PIK3R4: variants seen among roughly 807,000 people sequenced by gnomAD.
PIK3R4 encodes phosphoinositide-3-kinase regulatory subunit 4.
Under a neutral mutation model 136.5 loss-of-function variants are expected in PIK3R4, and 46 were observed. The ratio of observed to expected loss-of-function variants is 0.34; its 90% confidence interval spans 0.27 to 0.43. The LOEUF (loss-of-function observed/expected upper bound fraction) is 0.43, where lower values mean the gene tolerates loss of function less well. Among genes scored for constraint, PIK3R4 ranks in the 20% least tolerant of loss-of-function variants. The pLI is 1.00. For synonymous variants in PIK3R4, 557 were observed against 566.7 expected (o/e 0.98, Z 0.24); for missense variants, 1,331 against 1,649.5 (o/e 0.81, Z 3.35).
In PIK3R4 at chr3:130,728,593, A is replaced by G. The variant is rs1438205518; in HGVS notation, c.1677T>C (p.Asn559=). The change falls in exon 6 of 20, where the codon AAT becomes AAC. Residue 559 remains asparagine, a synonymous_variant. Transcript: ENST00000356763. Reference sequence around the variant, plus strand: ...AGAATACACACAGCCGTGTTATTCCATTTTCCATCAAGGTTTGTTTTACAA... The same window carrying G: ...AGAATACACACAGCCGTGTTATTCCGTTTTCCATCAAGGTTTGTTTTACAA... The part of the protein sequence containing the change: ...ENIVKQTLME[N]GITRLCVFFG... The G allele has an allele frequency of 6.2e-7, 1 of 1,612,544 alleles. No homozygotes were observed. Among genetic ancestry groups the G allele is most frequent in the Non-Finnish European group, 8.5e-7 (1 of 1,179,498 alleles).
In PIK3R4 at chr3:130,690,592, G is replaced by A; in HGVS notation, c.3161C>T (p.Ser1054Phe). 1 of 1,611,554 alleles carries A rather than the reference G, an allele frequency of 6.2e-7. No homozygotes were observed. Among genetic ancestry groups the A allele is most frequent in the Admixed American group, 1.7e-5 (1 of 59,978 alleles). ...RVKTLTFCQG[S>F]HYLAIASDNG... ...ATCAGATGCTATGGCTAAATAGTGGGAGCCTTGGCAGAATGTGAGCGTCTT... is the reference window on the plus strand; with the variant it reads ...ATCAGATGCTATGGCTAAATAGTGGAAGCCTTGGCAGAATGTGAGCGTCTT... Residue 1054 changes from serine to phenylalanine, a missense_variant, in exon 14 of 20, where the codon TCC becomes TTC. By Grantham distance (155) the Ser-to-Phe change is radical. Transcript: ENST00000356763.
chr3:130,695,027 G>C (rs1036212464), intron 13 of PIK3R4, among the ~76,000 whole-genome samples: 2 of 152,110 alleles, frequency 1.3e-5, no homozygotes, highest in Non-Finnish European at 2.9e-5. Flanking sequence ...AGAGTTTGTT[G>C]AGATGACCAT....
intron 2 of PIK3R4, among the ~76,000 whole-genome samples, chr3:130,742,060 TC>T (rs1367268675): frequency 6.6e-6 from 1 of 152,186 alleles, no homozygotes; most frequent in African/African-American, 2.4e-5. Flanking sequence ...AGTAGCAGTT[TC>T]CAAGAGCCTA....
chr3:130,728,685 CT>C lies in PIK3R4; in HGVS notation c.1586-2del. 2.6e-6 allele frequency: 2 copies of C among 768,848 alleles called. No individual in the cohort carries two copies. Among genetic ancestry groups the C allele is most frequent in the Non-Finnish European group, 3.5e-6 (2 of 567,644 alleles). The allele number at this position is 768,848 out of a possible 1,614,324, so 47.6% of individuals were successfully genotyped here. On this transcript the variant is annotated splice_acceptor_variant, in intron 5 of 19. Coordinates refer to ENST00000356763, the MANE Select transcript of PIK3R4 (RefSeq NM_014602.3). LOFTEE classifies it high-confidence loss of function. Reference sequence around the variant, plus strand: ...ACCATTTCATGTAAGGCTTGGAGCTCTAAAAAAAAAAAAAAAAGAAAGAAAG... The same window carrying C: ...ACCATTTCATGTAAGGCTTGGAGCTCAAAAAAAAAAAAAAAAGAAAGAAAG...
At chr3:130,682,167 G>T (rs1429111441) in intron 16 of PIK3R4, among the ~76,000 whole-genome samples, 4 of 152,172 alleles carry the variant, frequency 2.6e-5, no homozygotes, top group Non-Finnish European at 4.4e-5. Context: ...TTGCAGATGT[G>T]ATGAAATTAA....
rs571855543 is a variant in PIK3R4, at chr3:130,679,332, C to G, written c.4060G>C (p.Val1354Leu). ...FIVTASRDGIVKVWK is the reference protein window; with the variant it reads ...FIVTASRDGILKVWK ...AGTAGGTTTTATTTCCACACCTTCA[C>G]AATCCCATCTCTAGAAGCAGTTACG... The change falls in exon 20 of 20, where the codon GTG becomes CTG. Residue 1354 changes from valine to leucine, a missense_variant. Physicochemically the swap from Val to Leu is conservative, Grantham distance 32 (BLOSUM62 1). Around this residue, in one of 2 missense-constraint regions of PIK3R4, gnomAD observed 1,180 missense variants for 1,407.0 expected, o/e 0.84. Coordinates refer to ENST00000356763, the MANE Select transcript of PIK3R4 (RefSeq NM_014602.3). 9 of 1,604,846 alleles carry G rather than the reference C, an allele frequency of 5.6e-6. No individual in the cohort carries two copies. The Admixed American group carries it at 1.2e-4, about 21-fold the overall frequency.
rs1175354777 is a variant in PIK3R4, at chr3:130,683,618, AC to A, written c.3607+631del. Among the ~76,000 whole-genome samples, 2 of 152,220 alleles carry A rather than the reference AC, an allele frequency of 1.3e-5. 1 individual carries two copies. Among genetic ancestry groups the A allele is most frequent in the Admixed American group, 1.3e-4 (2 of 15,272 alleles). On this transcript the variant is annotated intron_variant, in intron 16 of 19. Coordinates refer to ENST00000356763, the MANE Select transcript of PIK3R4 (RefSeq NM_014602.3). The stretch of plus-strand genomic sequence containing the variant: ...GCAGTGTATGCGATGGACTATGTGT[AC>A]AAGAAGGGACCACAAAGAGCCTAGA...
intron 7 of PIK3R4, among the ~76,000 whole-genome samples, chr3:130,721,479 C>T (rs4682634): frequency 0.21 from 31,311 of 151,838 alleles, 3,494 homozygotes; most frequent in South Asian, 0.36. Flanking sequence ...TCACAAGAGT[C>T]GACATAGGAA....
intron 13 of PIK3R4, among the ~76,000 whole-genome samples, chr3:130,695,915 G>T (rs578236968): frequency 6.6e-6 from 1 of 152,140 alleles, no homozygotes; most frequent in South Asian, 2.1e-4. Context: ...AGCTATCTCA[G>T]CCAGGGCTTT....
intron 15 of PIK3R4, among the ~76,000 whole-genome samples, 172 bp from the exon 16 acceptor site, chr3:130,684,553 C>T (rs906041687): frequency 2.0e-5 from 3 of 152,180 alleles, no homozygotes; most frequent in African/African-American, 7.2e-5. Context: ...TCAAACAATA[C>T]CCCTTTGGTT....
Position 130,705,579 on chromosome 3 carries a change from T to C in PIK3R4, c.2914A>G (p.Ser972Gly), listed in dbSNP as rs1470031366. Reference sequence around the variant, plus strand: ...CTTTTACCAGGTGGTGGTGGTTTACTCTCCCATTCAGCATTTTCCATCATC... The same window carrying C: ...CTTTTACCAGGTGGTGGTGGTTTACCCTCCCATTCAGCATTTTCCATCATC... The part of the protein sequence containing the change: ...KQMMENAEWE[S>G]KPPPPGWRPK... The change falls in exon 12 of 20, where the codon AGT becomes GGT. Residue 972 changes from serine (S) to glycine (G), a missense_variant. By Grantham distance (56) the Ser-to-Gly change is moderately conservative. This residue lies in a region of PIK3R4 where 1,180 missense variants were observed against 1,407.0 expected (regional missense o/e 0.84). Coordinates refer to ENST00000356763, the MANE Select transcript of PIK3R4 (RefSeq NM_014602.3). 1 of 1,611,978 alleles carries C rather than the reference T, an allele frequency of 6.2e-7. No individual in the cohort carries two copies.
Position 130,679,263 on chromosome 3 carries a change from G to GAGTT in PIK3R4, c.*48_*51dup, listed in dbSNP as rs1203080381. 1.8e-6 allele frequency: 2 copies of GAGTT among 1,116,992 alleles called. No individual in the cohort carries two copies. Among genetic ancestry groups the GAGTT allele is most frequent in the Middle Eastern group, 3.1e-4 (1 of 3,228 alleles). 69.2% of individuals were successfully genotyped at this position (1,116,992 alleles called of 1,614,324 possible). On this transcript the variant is annotated 3_prime_UTR_variant, in exon 20 of 20. Coordinates refer to ENST00000356763, the MANE Select transcript of PIK3R4 (RefSeq NM_014602.3). ...CTGTTCTCTAGAAATGCCTTTTCTCGAGTTATAGTATTATATTTATAACTA... is the reference window on the plus strand; with the variant it reads ...CTGTTCTCTAGAAATGCCTTTTCTCGAGTTAGTTATAGTATTATATTTATAACTA...
At position 130,744,811 on chromosome 3, in the gene PIK3R4, C is replaced by T; in HGVS notation, c.408G>A (p.Val136=). 6.2e-7 allele frequency: 1 copy of T among 1,614,204 alleles called. No homozygotes were observed. The highest frequency in any genetic ancestry group is 1.1e-5 in the South Asian group (1 of 91,092). ...GAACTCCAGATTTGTGTGCTTGGTC[C>T]ACAGCTGTCAGGATCTGGAAAGCAA... ...RWIAFQILTA[V]DQAHKSGVRH... is the part of the protein sequence containing the mutation. Residue 136 remains valine (V), a synonymous_variant, in exon 2 of 20, where the codon GTG becomes GTA. Coordinates refer to ENST00000356763, the MANE Select transcript of PIK3R4 (RefSeq NM_014602.3).
intron 4 of PIK3R4, among the ~76,000 whole-genome samples, chr3:130,732,118 A>C (rs368219650): frequency 1.3e-5 from 2 of 152,356 alleles, no homozygotes; most frequent in South Asian, 4.1e-4. Flanking sequence ...CTGAGAACTG[A>C]GAATTAGACC....
intron 13 of PIK3R4, among the ~76,000 whole-genome samples, chr3:130,698,673 G>GT (rs1448193976): frequency 6.6e-6 from 1 of 152,102 alleles, no homozygotes; most frequent in Non-Finnish European, 1.5e-5. Context: ...GTCTAGTAAG[G>GT]TTTTTTCCTA....
At chr3:130,731,746 C>T (rs1345982689) in intron 4 of PIK3R4, among the ~76,000 whole-genome samples, 7 of 152,190 alleles carry the variant, frequency 4.6e-5, no homozygotes, top group Admixed American at 3.3e-4. Flanking sequence ...TGTAAAGAAA[C>T]AAATGTTGAT....
intron 7 of PIK3R4, among the ~76,000 whole-genome samples, chr3:130,722,944 A>G (rs1040824929): frequency 6.6e-6 from 1 of 150,882 alleles, no homozygotes; most frequent in African/African-American, 2.4e-5. Flanking sequence ...AGGTGCCTGT[A>G]ACCCCAGCTA....
Position 130,733,899 on chromosome 3 carries a change from C to T in PIK3R4, c.1099G>A (p.Glu367Lys), listed in dbSNP as rs139640851. Reference protein sequence around the residue: ...LCGHDLPEKAEGEPKENGLVI... With the variant: ...LCGHDLPEKAKGEPKENGLVI... Reference sequence around the variant, plus strand: ...AGCCCATTTTCCTTAGGCTCTCCTTCGGCTTTTTCTGGCAGATCATGTCCA... The same window carrying T: ...AGCCCATTTTCCTTAGGCTCTCCTTTGGCTTTTTCTGGCAGATCATGTCCA... Residue 367 changes from glutamate to lysine, a missense_variant, in exon 4 of 20, where the codon GAA (glutamate) becomes AAA (lysine). This residue lies in a region of PIK3R4 where 1,180 missense variants were observed against 1,407.0 expected (regional missense o/e 0.84). Transcript: ENST00000356763. 4.0e-5 allele frequency: 64 copies of T among 1,613,950 alleles called. No homozygotes were observed. Among genetic ancestry groups the T allele is most frequent in the Non-Finnish European group, 4.9e-5 (58 of 1,179,958 alleles).
chr3:130,680,080 AAG>A (rs1553726515), intron 19 of PIK3R4, among the ~76,000 whole-genome samples: 1 of 151,446 alleles, frequency 6.6e-6, no homozygotes, highest in Non-Finnish European at 1.5e-5. Flanking sequence ...AAAAAAAAAA[AAG>A]AGGTATAAAT....
Sources: gnomAD v4.1 joint callset for allele counts (sites outside exome capture counted in the v4.1 genomes callset) on GRCh38, gnomAD v4.1.1 for gene constraint, gnomAD v4.1.1 regional missense constraint, MANE v1.5 for transcripts, NCBI Gene and HGNC (gene_info 2026-07-23, HGNC 2026-07-21) for gene names.